Variants in SPAG17 observed in about 807,000 individuals in gnomAD.
The protein encoded by SPAG17 is sperm associated antigen 17, also known as sperm-associated antigen 17.
Under a neutral mutation model 273.6 loss-of-function variants are expected in SPAG17, and 169 were observed. The ratio of observed to expected loss-of-function variants is 0.62; its 90% CI spans 0.55 to 0.70. SPAG17 has a LOEUF of 0.70. Ranked by LOEUF, SPAG17 falls within the 30% of genes least tolerant of loss-of-function variation. The pLI is 0.00. For missense variants in SPAG17, 2,557 were observed against 2,627.8 expected, an observed-to-expected ratio of 0.97 and a Z score of 0.59; for synonymous variants, 825 against 873.2, an observed-to-expected ratio of 0.94 and a Z score of 0.97.
At chr1:118,082,757 G>C (rs1557998892) in intron 13 of SPAG17, among the ~76,000 whole-genome samples, 1 of 152,216 alleles carries the variant, frequency 6.6e-6, no homozygotes, top group Non-Finnish European at 1.5e-5. Context: ...ATATAAAGCA[G>C]TCATGGAAAA....
chr1:118,142,317 G>C (rs1380639024), intron 3 of SPAG17, among the ~76,000 whole-genome samples: 2 of 152,306 alleles, frequency 1.3e-5, no homozygotes, highest in South Asian at 4.1e-4. Flanking sequence ...TCAGGGGCCA[G>C]GGTGCAGGAG....
chr1:117,980,294 T>C (rs1317347519), intron 43 of SPAG17, among the ~76,000 whole-genome samples: 1 of 152,070 alleles, frequency 6.6e-6, no homozygotes, highest in African/African-American at 2.4e-5. Flanking sequence ...TGCAGTGGCA[T>C]GATCTCAGCC....
At chr1:118,062,557 C>G (rs1652451630) in intron 18 of SPAG17, among the ~76,000 whole-genome samples, 1 of 151,796 alleles carries the variant, frequency 6.6e-6, no homozygotes, top group African/African-American at 2.4e-5. Flanking sequence ...ATAAAAGGTT[C>G]ATCAGGAAGA....
At chr1:118,043,062 A>AT (rs1270129614) in intron 20 of SPAG17, among the ~76,000 whole-genome samples, 1 of 152,248 alleles carries the variant, frequency 6.6e-6, no homozygotes, top group Non-Finnish European at 1.5e-5. Flanking sequence ...CAAAGACTAC[A>AT]GATATTGTAA....
In SPAG17 at chr1:118,036,867, C is replaced by A. The variant is rs781204564; in HGVS notation, c.3336G>T (p.Lys1112Asn). The part of the protein sequence containing the change: ...QSLETEVSDA[K>N]NKAFSKFGSF... The stretch of plus-strand genomic sequence containing the variant: ...ATCCAAACTTGCTGAAAGCTTTATT[C>A]TTTGCATCTGATACTTCTAAAATAC... The change falls in exon 24 of 49, where the codon AAG (lysine) becomes AAT (asparagine). Residue 1112 changes from lysine (K) to asparagine (N), a missense_variant. By Grantham distance (94) the Lys-to-Asn change is moderately conservative. Coordinates refer to ENST00000336338, the MANE Select transcript of SPAG17 (RefSeq NM_206996.4). 2 of 1,555,486 alleles carry A rather than the reference C, an allele frequency of 1.3e-6. No homozygotes were observed. The highest frequency in any genetic ancestry group is 2.4e-5 in the East Asian group (1 of 41,748).
At chr1:117,990,367 C>T (rs12088477) in intron 38 of SPAG17, among the ~76,000 whole-genome samples, 17,020 of 152,138 alleles carry the variant, frequency 0.11, 2,680 homozygotes, top group African/African-American at 0.35. Flanking sequence ...AGCTATGAAA[C>T]CATCTAACCA....
chr1:118,114,096 A>T (rs566857252), intron 4 of SPAG17, among the ~76,000 whole-genome samples: 7 of 152,284 alleles, frequency 4.6e-5, no homozygotes, highest in African/African-American at 1.7e-4. Flanking sequence ...CCCATATGGC[A>T]TTGGAATTTA....
intron 26 of SPAG17, 48 bp downstream of exon 26, chr1:118,028,226 G>T (rs763025995): frequency 2.6e-6 from 4 of 1,565,746 alleles, no homozygotes; most frequent in South Asian, 1.2e-5. Flanking sequence ...TGTTTTCTAC[G>T]TGACATTTTG....
At chr1:118,062,822 A>G (rs1171144443) in intron 18 of SPAG17, among the ~76,000 whole-genome samples, 2 of 152,214 alleles carry the variant, frequency 1.3e-5, no homozygotes, top group African/African-American at 4.8e-5. Context: ...AACCTTGAGC[A>G]TTTAAAAAAC....
chr1:118,151,150 TAG>T, intron 2 of SPAG17, 77 bp downstream of exon 2: 1 of 1,200,022 alleles, frequency 8.3e-7, no homozygotes, highest in Non-Finnish European at 1.1e-6. Flanking sequence ...AAGAATATGA[TAG>T]TTTATTTTAT....
chr1:118,094,420 C>T (rs1241926644), intron 7 of SPAG17, among the ~76,000 whole-genome samples: 3 of 152,092 alleles, frequency 2.0e-5, no homozygotes, highest in African/African-American at 7.2e-5. Context: ...AGTTATCATG[C>T]ATTGAAGGGC....
At position 118,101,922 on chromosome 1, in the gene SPAG17, A is replaced by G. The variant is rs1324416000; in HGVS notation, c.452T>C (p.Ile151Thr). The G allele has an allele frequency of 6.2e-7, 1 of 1,610,426 alleles. No homozygotes were observed. ...CTTTTCTAACTTAGGTTTGTCTTCT[A>G]TTACCTGGAATGAGAGAACACTTTT... is the stretch of plus-strand genomic sequence containing the variant. ...QQRRENEKKV[I>T]EDKPKLEKDK... The change falls in exon 5 of 49, where the codon ATA becomes ACA. Residue 151 changes from isoleucine (I) to threonine (T), a missense_variant. Transcript: ENST00000336338.
chr1:118,058,249 C>A (rs1373317918), intron 18 of SPAG17, among the ~76,000 whole-genome samples: 1 of 151,994 alleles, frequency 6.6e-6, no homozygotes. Flanking sequence ...GCTCTGTAAC[C>A]CAGGCTGGAG....
intron 1 of SPAG17, among the ~76,000 whole-genome samples, chr1:118,180,946 A>G (rs1032512935): frequency 1.3e-5 from 2 of 152,092 alleles, no homozygotes; most frequent in African/African-American, 4.8e-5. Flanking sequence ...TTAATTATAA[A>G]TCTATGCTAA....
chr1:118,148,188 A>C (rs1413178535), intron 3 of SPAG17, among the ~76,000 whole-genome samples: 2 of 152,160 alleles, frequency 1.3e-5, no homozygotes, highest in Non-Finnish European at 2.9e-5. Flanking sequence ...TTCGCTCCTC[A>C]GGAGTTTACC....
chr1:118,039,258 G>C, intron 23 of SPAG17, 34 bp downstream of exon 23: 1 of 1,602,404 alleles, frequency 6.2e-7, no homozygotes. Flanking sequence ...AGGAGTATTA[G>C]TCAGAAGAAA....
In SPAG17 at chr1:118,151,228, C is replaced by G; in HGVS notation, c.228+1G>C. On this transcript the variant is annotated splice_donor_variant, in intron 2 of 48. Coordinates refer to ENST00000336338, the MANE Select transcript of SPAG17 (RefSeq NM_206996.4). LOFTEE classifies it high-confidence loss of function. ...GCTTTGAGGTAGGAAGGGACAGGTACCTGCTGGAGAATGTCTTGCCACGAC... is the reference window on the plus strand; with the variant it reads ...GCTTTGAGGTAGGAAGGGACAGGTAGCTGCTGGAGAATGTCTTGCCACGAC... 2 of 1,563,642 alleles carry G rather than the reference C, an allele frequency of 1.3e-6. No homozygotes were observed. Among genetic ancestry groups the G allele is most frequent in the Non-Finnish European group, 1.7e-6 (2 of 1,150,722 alleles).
At chr1:118,089,861 A>G (rs755932845) in intron 10 of SPAG17, among the ~76,000 whole-genome samples, 1 of 152,230 alleles carries the variant, frequency 6.6e-6, no homozygotes, top group East Asian at 1.9e-4. Flanking sequence ...TGATGGGAGA[A>G]TGAGGGTGGT....
At chr1:118,120,385 G>A (rs961779416) in intron 3 of SPAG17, among the ~76,000 whole-genome samples, 3 of 152,090 alleles carry the variant, frequency 2.0e-5, no homozygotes, top group Non-Finnish European at 2.9e-5. Context: ...GTCAGAGAAG[G>A]TCTATATGAT....
Sources: allele counts gnomAD v4.1 joint callset (sites outside exome capture counted in the v4.1 genomes callset), GRCh38; gene constraint gnomAD v4.1.1; transcripts MANE v1.5; gene names NCBI Gene and HGNC (gene_info 2026-07-23, HGNC 2026-07-21).